Variants in ARMH1 observed in about 807,000 individuals in gnomAD.
ARMH1 encodes armadillo like helical domain containing 1, also known as armadillo-like helical domain containing protein 1.
A neutral mutation model predicts 50.2 loss-of-function variants in ARMH1; 34 were observed. The observed-to-expected ratio is 0.68, with a 90% confidence interval of 0.51 to 0.90. ARMH1 has a LOEUF of 0.90. Among genes scored for constraint, ARMH1 ranks in the 40% least tolerant of loss-of-function variants. ARMH1 has a pLI of 0.00. For synonymous variants in ARMH1, 221 were observed against 224.2 expected, an observed-to-expected ratio of 0.99 and a Z score of 0.13; for missense variants, 538 against 553.9, an observed-to-expected ratio of 0.97 and a Z score of 0.29.
intron 1 of ARMH1, among the ~76,000 whole-genome samples, chr1:44,676,344 T>C (rs973942628): frequency 6.6e-6 from 1 of 152,104 alleles, no homozygotes; most frequent in Non-Finnish European, 1.5e-5. Context: ...GCCAGATAAG[T>C]CTAACTGGAA....
intron 6 of ARMH1, chr1:44,721,876 A>C (rs979419109): frequency 6.6e-6 from 1 of 152,214 alleles, no homozygotes; most frequent in Non-Finnish European, 1.5e-5. Flanking sequence ...CGAAAGATTT[A>C]TTCGTTATGA....
intron 2 of ARMH1, among the ~76,000 whole-genome samples, chr1:44,690,397 T>C (rs538686118): frequency 3.4e-4 from 52 of 152,280 alleles, no homozygotes; most frequent in African/African-American, 1.2e-3. Context: ...TCCCAACCTA[T>C]AATTGTATTT....
Position 44,683,624 on chromosome 1 carries a change from T to A in ARMH1, c.-22-6052T>A, listed in dbSNP as rs975209178. ...TGGGACGGTGAGCTAAACCACTAAATCTGACAACAGGAGATTATTGGTGAC... is the reference window on the plus strand; with the variant it reads ...TGGGACGGTGAGCTAAACCACTAAAACTGACAACAGGAGATTATTGGTGAC... On this transcript the variant is annotated intron_variant, in intron 1 of 11. Transcript: ENST00000535358. The surrounding 1 kb of genome is among the most constrained non-coding windows in gnomAD (Gnocchi z 4.2). 2.0e-5 allele frequency among the ~76,000 whole-genome samples: 3 copies of A among 152,128 alleles called. No individual in the cohort carries two copies. Among genetic ancestry groups the A allele is most frequent in the African/African-American group, 7.2e-5 (3 of 41,420 alleles).
chr1:44,676,943 G>T (rs1213806192), intron 1 of ARMH1, among the ~76,000 whole-genome samples: 1 of 152,204 alleles, frequency 6.6e-6, no homozygotes, highest in African/African-American at 2.4e-5. Flanking sequence ...TTGAAAAAAA[G>T]ACTTCACCAA....
chr1:44,675,951 C>T (rs1375293763), intron 1 of ARMH1, among the ~76,000 whole-genome samples: 1 of 151,950 alleles, frequency 6.6e-6, no homozygotes, highest in Non-Finnish European at 1.5e-5. Flanking sequence ...CAGAGCGCGA[C>T]TCTGTCTCAA....
In ARMH1 at chr1:44,721,852, T is replaced by C. The variant is rs563780566; in HGVS notation, c.725-2270T>C. 174 of 152,302 alleles carry C rather than the reference T, an allele frequency of 1.1e-3. 3 individuals carry two copies. Among genetic ancestry groups the C allele is most frequent in the African/African-American group, 3.9e-3 (163 of 41,574 alleles). The allele number at this position is 152,302 out of a possible 1,614,324, so 9.4% of individuals were successfully genotyped here. On this transcript the variant is annotated intron_variant, in intron 6 of 11. Transcript: ENST00000535358. ...TCATAGTTGTTTTTCTCCACGGAAATCTTTAGTAAAAGGCGAAAGATTTAT... is the reference window on the plus strand; with the variant it reads ...TCATAGTTGTTTTTCTCCACGGAAACCTTTAGTAAAAGGCGAAAGATTTAT...
At chr1:44,687,718 A>T (rs1645520569) in intron 1 of ARMH1, among the ~76,000 whole-genome samples, 1 of 152,156 alleles carries the variant, frequency 6.6e-6, no homozygotes, top group South Asian at 2.1e-4. Context: ...GGTACCTTAT[A>T]CAGAGCCACA....
chr1:44,695,004 G>A (rs1045286229), intron 2 of ARMH1, among the ~76,000 whole-genome samples: 2 of 152,114 alleles, frequency 1.3e-5, no homozygotes, highest in Non-Finnish European at 2.9e-5. Context: ...GTGTCTGTCC[G>A]AAAGCCTATA....
intron 5 of ARMH1, among the ~76,000 whole-genome samples, chr1:44,701,991 G>A (rs1646102768): frequency 6.6e-6 from 1 of 152,024 alleles, no homozygotes; most frequent in African/African-American, 2.4e-5. Context: ...TATAGTCCCA[G>A]CTGCTCGGGA....
At position 44,683,471 on chromosome 1, in the gene ARMH1, G is replaced by A. The variant is rs549638488; in HGVS notation, c.-22-6205G>A. Among the ~76,000 whole-genome samples the A allele has an allele frequency of 8.5e-5, 13 of 152,316 alleles. No individual in the cohort carries two copies. The highest frequency in any genetic ancestry group is 5.8e-4 in the East Asian group (3 of 5,190). On this transcript the variant is annotated intron_variant, in intron 1 of 11. Transcript: ENST00000535358. This position sits in a 1 kb window ranked among gnomAD's most constrained non-coding sequence, Gnocchi z 4.2. ...AAAGCATGAGAAGAGAACTAAGAACGGGAAAACGACCTGCAAAGGCACTAT... is the reference window on the plus strand; with the variant it reads ...AAAGCATGAGAAGAGAACTAAGAACAGGAAAACGACCTGCAAAGGCACTAT...
intron 2 of ARMH1, among the ~76,000 whole-genome samples, chr1:44,694,371 A>T (rs1358541668): frequency 6.6e-6 from 1 of 152,204 alleles, no homozygotes; most frequent in Non-Finnish European, 1.5e-5. Context: ...TATTTTTTGC[A>T]AAATTGACTA....
In ARMH1 at chr1:44,724,869, T is replaced by G. The variant is rs1229191800; in HGVS notation, c.1128+30T>G. 2 of 1,535,208 alleles carry G rather than the reference T, an allele frequency of 1.3e-6. No homozygotes were observed. The highest frequency in any genetic ancestry group is 2.0e-5 in the Admixed American group (1 of 50,274). On this transcript the variant is annotated intron_variant, in intron 10 of 11. Transcript: ENST00000535358. The surrounding 1 kb of genome is among the most constrained non-coding windows in gnomAD (Gnocchi z 6.4). Reference sequence around the variant, plus strand: ...GTGCGCCCTTCCTGCCCCGCCGCAATGAGCAGATGGCGGCTCGGACAGTGT... The same window carrying G: ...GTGCGCCCTTCCTGCCCCGCCGCAAGGAGCAGATGGCGGCTCGGACAGTGT...
intron 2 of ARMH1, among the ~76,000 whole-genome samples, chr1:44,691,061 A>AC (rs112569067): frequency 0.077 from 11,605 of 151,358 alleles, 1,053 homozygotes; most frequent in African/African-American, 0.21. Context: ...GGAGTTTGAG[A>AC]CAGCCTGGCC....
At chr1:44,702,935 A>G (rs1190238035) in intron 5 of ARMH1, among the ~76,000 whole-genome samples, 1 of 152,166 alleles carries the variant, frequency 6.6e-6, no homozygotes, top group Non-Finnish European at 1.5e-5. Context: ...GAAAAATTAA[A>G]TCGCAGCAGC....
At chr1:44,708,128 C>T (rs1051691020) in intron 6 of ARMH1, among the ~76,000 whole-genome samples, 3 of 152,216 alleles carry the variant, frequency 2.0e-5, no homozygotes, top group Non-Finnish European at 4.4e-5. Context: ...AGAAGAAATT[C>T]GCACGCCTTC....
intron 10 of ARMH1, 94 bp from the exon 11 acceptor site, chr1:44,725,042 C>T (rs1197511367): frequency 1.3e-6 from 2 of 1,532,758 alleles, no homozygotes; most frequent in Non-Finnish European, 1.8e-6. Flanking sequence ...GGCTGCCGAC[C>T]CGCCCCCCAC....
intron 6 of ARMH1, among the ~76,000 whole-genome samples, chr1:44,717,104 C>T (rs1385781710): frequency 1.3e-5 from 2 of 152,186 alleles, no homozygotes; most frequent in African/African-American, 4.8e-5. Context: ...CCGCCTTGAC[C>T]TCCCAAAGTG....
At chr1:44,679,226 C>A (rs746438433) in intron 1 of ARMH1, among the ~76,000 whole-genome samples, 6 of 152,184 alleles carry the variant, frequency 3.9e-5, no homozygotes, top group Admixed American at 6.5e-5. Flanking sequence ...TAATTGGCTG[C>A]CACTTACAGA....
At chr1:44,708,049 G>A (rs1228826812) in intron 6 of ARMH1, among the ~76,000 whole-genome samples, 8 of 152,222 alleles carry the variant, frequency 5.3e-5, no homozygotes, top group Non-Finnish European at 1.2e-4. Context: ...TGTAGAGAAT[G>A]CGTATGCAAT....
Sources: allele counts gnomAD v4.1 joint callset (sites outside exome capture counted in the v4.1 genomes callset), GRCh38; gene constraint gnomAD v4.1.1; non-coding constraint Gnocchi (gnomAD v3.1); transcripts MANE v1.5; gene names NCBI Gene and HGNC (gene_info 2026-07-23, HGNC 2026-07-21).